UGT1A7: variants seen among roughly 807,000 people sequenced by gnomAD.
UGT1A7 encodes UDP-glucuronosyltransferase 1A7.
In UGT1A7, 33 loss-of-function variants were observed where a neutral mutation model predicts 45.6. The observed-to-expected ratio is 0.72, with a 90% CI of 0.55 to 0.97. The LOEUF is 0.97. UGT1A7 is among the 50% of genes least tolerant of loss of function. The probability of loss-of-function intolerance (pLI) is 0.00; values close to 1 mark genes in which losing one functional copy is unlikely to be tolerated. For synonymous variants in UGT1A7, 274 were observed against 250.6 expected, an observed-to-expected ratio of 1.09 and a Z score of -0.88; for missense variants, 684 against 666.2, an observed-to-expected ratio of 1.03 and a Z score of -0.29.
intron 1 of UGT1A7, among the ~76,000 whole-genome samples, chr2:233,738,676 G>T (rs1690872856): frequency 6.6e-6 from 1 of 152,190 alleles, no homozygotes; most frequent in African/African-American, 2.4e-5. Flanking sequence ...GAGATGATCT[G>T]AAATTGGAAC....
chr2:233,699,567 C>G (rs946765606), intron 1 of UGT1A7, among the ~76,000 whole-genome samples: 1 of 152,218 alleles, frequency 6.6e-6, no homozygotes, highest in African/African-American at 2.4e-5. Context: ...GGCCAGAGCT[C>G]TGGCTCTAGG....
At chr2:233,747,007 G>A (rs1207556963) in intron 1 of UGT1A7, among the ~76,000 whole-genome samples, 1 of 151,856 alleles carries the variant, frequency 6.6e-6, no homozygotes, top group Non-Finnish European at 1.5e-5. Context: ...TTTCAAGTAG[G>A]AGTGATCGGT....
At chr2:233,713,377 T>C (rs866828626) in intron 1 of UGT1A7, 3 of 1,614,038 alleles carry the variant, frequency 1.9e-6, no homozygotes, top group Middle Eastern at 1.6e-4. Context: ...AGGTCTTGTG[T>C]GGAGCTACTG....
intron 1 of UGT1A7, among the ~76,000 whole-genome samples, chr2:233,734,124 A>T (rs533243585): frequency 1.8e-3 from 273 of 151,048 alleles, no homozygotes; most frequent in Non-Finnish European, 3.0e-3. Context: ...ATAATAATAA[A>T]AAGAATTTGG....
intron 1 of UGT1A7, chr2:233,761,084 G>A: frequency 6.2e-7 from 1 of 1,614,126 alleles, no homozygotes; most frequent in Non-Finnish European, 8.5e-7. Context: ...GATTACCCTA[G>A]GCCCATCATG....
intron 1 of UGT1A7, chr2:233,718,874 C>A: frequency 6.2e-7 from 1 of 1,613,892 alleles, no homozygotes; most frequent in Non-Finnish European, 8.5e-7. Flanking sequence ...GACTGCTGCT[C>A]CTCCTCAGTG....
intron 1 of UGT1A7, among the ~76,000 whole-genome samples, chr2:233,686,425 G>A (rs776332125): frequency 1.3e-5 from 2 of 152,056 alleles, no homozygotes; most frequent in Non-Finnish European, 2.9e-5. Flanking sequence ...ATAAACACAC[G>A]CATGCTTGAC....
intron 1 of UGT1A7, among the ~76,000 whole-genome samples, chr2:233,746,138 G>C (rs1315448671): frequency 6.6e-6 from 1 of 151,886 alleles, no homozygotes; most frequent in African/African-American, 2.4e-5. Context: ...ACTGGCACCT[G>C]AGTGATAGCA....
At chr2:233,707,104 C>G (rs2075941348) in intron 1 of UGT1A7, among the ~76,000 whole-genome samples, 1 of 152,018 alleles carries the variant, frequency 6.6e-6, no homozygotes, top group Admixed American at 6.6e-5. Context: ...GCTGAGGGAC[C>G]CCCAAAATAC....
chr2:233,722,033 A>T (rs915638296), intron 1 of UGT1A7: 1 of 246,466 alleles, frequency 4.1e-6, no homozygotes, highest in Non-Finnish European at 8.1e-6. Flanking sequence ...CTTGAATTGC[A>T]TGATTTTGTG....
intron 1 of UGT1A7, among the ~76,000 whole-genome samples, chr2:233,762,360 A>G (rs1698052842): frequency 6.6e-6 from 1 of 152,238 alleles, no homozygotes; most frequent in Non-Finnish European, 1.5e-5. Context: ...TACTCCAGCT[A>G]TTACATACCA....
rs767620587 is a variant in UGT1A7, at chr2:233,754,884, G to C, written c.856-12150G>C. 5.9e-6 allele frequency: 8 copies of C among 1,350,598 alleles called. No homozygotes were observed. In the Admixed American group the frequency reaches 7.6e-5, roughly 13 times the overall value. The allele number at this position is 1,350,598 out of a possible 1,614,324, so 83.7% of individuals were successfully genotyped here. A position where few individuals can be genotyped will look rare whatever the true frequency, so the allele number is the denominator to read the frequency against. ...AGACCCTCTGCTTCTGCTTCCCAGG[G>C]AGTTCCTCTGACCCCCCAAAATATT... On this transcript the variant is annotated intron_variant, in intron 1 of 4. Coordinates refer to ENST00000373426, the MANE Select transcript of UGT1A7 (RefSeq NM_019077.3).
chr2:233,733,211 G>A (rs2078366147), intron 1 of UGT1A7, among the ~76,000 whole-genome samples: 1 of 152,200 alleles, frequency 6.6e-6, no homozygotes, highest in Non-Finnish European at 1.5e-5. Flanking sequence ...ACTTTGGGCT[G>A]AGACAATGGG....
intron 1 of UGT1A7, chr2:233,690,539 A>C (rs1032041279): frequency 7.8e-7 from 1 of 1,289,414 alleles, no homozygotes; most frequent in Non-Finnish European, 1.0e-6. Context: ...CTTTCACCCC[A>C]CTGGAATATG....
At chr2:233,688,874 A>G (rs970041942) in intron 1 of UGT1A7, among the ~76,000 whole-genome samples, 1 of 152,168 alleles carries the variant, frequency 6.6e-6, no homozygotes, top group Non-Finnish European at 1.5e-5. Flanking sequence ...TTGCAGGATA[A>G]GGAGTGGCAA....
Position 233,720,871 on chromosome 2 carries a change from ATT to A in UGT1A7, c.855+38097_855+38098del, listed in dbSNP as rs60621337. On this transcript the variant is annotated intron_variant, in intron 1 of 4. Transcript: ENST00000373426. ...CAGGCATGTGCCACTGCTCCTGGCAATTTTTTTTTTTTTTTTTTTAGTAGAGA... is the reference window on the plus strand; with the variant it reads ...CAGGCATGTGCCACTGCTCCTGGCAATTTTTTTTTTTTTTTTTAGTAGAGA... Among the ~76,000 whole-genome samples, 774 of 132,742 alleles carry A rather than the reference ATT, an allele frequency of 5.8e-3. 4 individuals are homozygous for A. Among genetic ancestry groups the A allele is most frequent in the African/African-American group, 0.021 (722 of 34,968 alleles). The allele number at this position is 132,742 out of a possible 152,430, so 87.1% of individuals were successfully genotyped here.
chr2:233,712,450 C>T (rs1338791134), intron 1 of UGT1A7, among the ~76,000 whole-genome samples: 1 of 152,288 alleles, frequency 6.6e-6, no homozygotes, highest in East Asian at 1.9e-4. Context: ...CGACCAAAAC[C>T]AGATAGCCAG....
chr2:233,746,130 T>A (rs757715130), intron 1 of UGT1A7, among the ~76,000 whole-genome samples: 6 of 151,866 alleles, frequency 4.0e-5, no homozygotes, highest in Non-Finnish European at 8.8e-5. Context: ...AACTGTGGAC[T>A]GGCACCTGAG....
At chr2:233,729,454 T>A (rs758737792) in intron 1 of UGT1A7, 14 of 1,613,924 alleles carry the variant, frequency 8.7e-6, no homozygotes, top group Non-Finnish European at 1.2e-5. Flanking sequence ...TCTGAAGAAA[T>A]TTTTCAGAAG....
Sources: allele counts gnomAD v4.1 joint callset (sites outside exome capture counted in the v4.1 genomes callset), GRCh38; gene constraint gnomAD v4.1.1; transcripts MANE v1.5; gene names NCBI Gene and HGNC (gene_info 2026-07-23, HGNC 2026-07-21).